Variants in DHX36 observed in about 807,000 individuals in gnomAD.
DHX36 encodes the protein DEAH-box helicase 36.
DHX36 carries 50 observed loss-of-function variants against 139.0 expected under a neutral mutation model. The ratio of observed to expected loss-of-function variants is 0.36; its 90% confidence interval spans 0.29 to 0.46. DHX36 has a LOEUF of 0.46. DHX36 is among the 20% of genes least tolerant of loss of function. The pLI is 1.00. For missense variants in DHX36, 1,024 were observed against 1,211.3 expected (o/e 0.85, Z 2.29); for synonymous variants, 425 against 401.9 (o/e 1.06, Z -0.69).
intron 19 of DHX36, among the ~76,000 whole-genome samples, chr3:154,284,275 A>G (rs773916071): frequency 2.0e-5 from 3 of 150,278 alleles, no homozygotes; most frequent in Non-Finnish European, 4.4e-5. Context: ...CGCGCCCCGG[A>G]GTTCAAGCAA....
At chr3:154,287,575 G>A (rs577344790) in intron 17 of DHX36, among the ~76,000 whole-genome samples, 90 of 152,136 alleles carry the variant, frequency 5.9e-4, no homozygotes, top group African/African-American at 2.2e-3. Flanking sequence ...GCTTGAATCT[G>A]GGAGGTGGAG....
In DHX36 at chr3:154,288,916, G is replaced by A. The variant is rs984168279; in HGVS notation, c.1981C>T (p.Pro661Ser). ...AGTAACACTGCCTCATTTGATGGTG[G>A]GTCCATTAATCTACTCAGAAAATAA... ...IAYFLSRLMD[P>S]PSNEAVLLSI... Residue 661 changes from proline to serine, a missense_variant, in exon 17 of 25, where the codon CCA becomes TCA. Physicochemically the swap from Pro to Ser is moderately conservative, Grantham distance 74 (BLOSUM62 -1). Around this residue, in one of 4 missense-constraint regions of DHX36, gnomAD observed 470 missense variants for 616.2 expected, o/e 0.76. Transcript: ENST00000496811. The A allele has an allele frequency of 6.3e-7, 1 of 1,589,520 alleles. No individual in the cohort carries two copies. Among genetic ancestry groups the A allele is most frequent in the Admixed American group, 1.7e-5 (1 of 58,548 alleles).
intron 2 of DHX36, among the ~76,000 whole-genome samples, chr3:154,315,615 T>C (rs916889264): frequency 1.3e-5 from 2 of 152,138 alleles, no homozygotes; most frequent in African/African-American, 4.8e-5. Flanking sequence ...ACATCTTTTT[T>C]TCTTGCCACC....
chr3:154,279,886 G>A (rs905610318), intron 22 of DHX36: 5 of 152,068 alleles, frequency 3.3e-5, no homozygotes, highest in African/African-American at 1.2e-4. Flanking sequence ...TTTTCCCATG[G>A]CTACTAGAAA....
chr3:154,276,410 A>C (rs1390078666), intron 24 of DHX36, 54 bp from the exon 25 acceptor site: 3 of 1,499,638 alleles, frequency 2.0e-6, no homozygotes, highest in Non-Finnish European at 2.7e-6. Context: ...TTACCAAATA[A>C]CATAATAAAT....
intron 15 of DHX36, among the ~76,000 whole-genome samples, chr3:154,291,458 G>A (rs1364416332): frequency 6.6e-6 from 1 of 152,236 alleles, no homozygotes; most frequent in South Asian, 2.1e-4. Context: ...AGAGGTGATG[G>A]GTCTACATGG....
At chr3:154,292,739 ACACAC>A in intron 14 of DHX36, 45 bp from the exon 15 acceptor site, 1 of 1,583,698 alleles carries the variant, frequency 6.3e-7, no homozygotes, top group Non-Finnish European at 8.6e-7. Context: ...ACACACACAC[ACACAC>A]ACACACACAC....
At position 154,295,942 on chromosome 3, in the gene DHX36, A is replaced by AT. The variant is rs1251823537; in HGVS notation, c.1550-604dup. On this transcript the variant is annotated intron_variant, in intron 12 of 24. Coordinates refer to ENST00000496811, the MANE Select transcript of DHX36 (RefSeq NM_020865.3). The stretch of plus-strand genomic sequence containing the variant: ...ACAACCATGTTTGGCTAATTTTTGT[A>AT]TTTTTTGTAGAGATGGGGATTTGCC... Among the ~76,000 whole-genome samples the AT allele has an allele frequency of 3.3e-5, 5 of 151,684 alleles. No individual in the cohort carries two copies. In the East Asian group the frequency reaches 7.8e-4, roughly 24 times the overall value.
intron 6 of DHX36, chr3:154,305,422 C>A: frequency 3.0e-6 from 1 of 333,128 alleles, no homozygotes; most frequent in Non-Finnish European, 5.5e-6. Flanking sequence ...ATTCAGACAA[C>A]AACTGAATTA....
chr3:154,277,527 A>G (rs1158192771), intron 23 of DHX36, 71 bp downstream of exon 23: 2 of 1,452,670 alleles, frequency 1.4e-6, no homozygotes, highest in Non-Finnish European at 1.8e-6. Context: ...TATAATTGTT[A>G]AAACTACACA....
At chr3:154,300,472 G>A (rs1712223295) in intron 11 of DHX36, 122 bp downstream of exon 11, 4 of 744,296 alleles carry the variant, frequency 5.4e-6, no homozygotes, top group Non-Finnish European at 8.9e-6. Flanking sequence ...ATGATTTCTA[G>A]TATCAAAAGT....
Position 154,280,753 on chromosome 3 carries a change from C to T in DHX36, c.2476+10G>A, listed in dbSNP as rs1409181477. On this transcript the variant is annotated intron_variant, in intron 21 of 24. Transcript: ENST00000496811. ...AAAGATACTTATTTACACTGTGTTT[C>T]CTGCTGTACCTGAATTTATATTAGA... is the stretch of plus-strand genomic sequence containing the variant. The T allele has an allele frequency of 6.2e-7, 1 of 1,611,332 alleles. No homozygotes were observed. The highest frequency in any genetic ancestry group is 8.5e-7 in the Non-Finnish European group (1 of 1,177,982).
At chr3:154,281,235 G>T (rs149044209) in intron 20 of DHX36, among the ~76,000 whole-genome samples, 1 of 152,040 alleles carries the variant, frequency 6.6e-6, no homozygotes, top group East Asian at 1.9e-4. Flanking sequence ...AAGACTAATA[G>T]AATTTTTAAA....
chr3:154,311,546 T>A, intron 4 of DHX36, 90 bp downstream of exon 4: 1 of 1,051,404 alleles, frequency 9.5e-7, no homozygotes, highest in Non-Finnish European at 1.4e-6. Flanking sequence ...GAAAGTTCAT[T>A]AATTTACATT....
chr3:154,276,036 C>A lies in DHX36; in HGVS notation c.*135G>T. 1.6e-6 allele frequency: 1 copy of A among 636,406 alleles called. No homozygotes were observed. The highest frequency in any genetic ancestry group is 2.7e-6 in the Non-Finnish European group (1 of 376,984). 39.4% of individuals were successfully genotyped at this position (636,406 alleles called of 1,614,324 possible). A position where few individuals can be genotyped will look rare whatever the true frequency, so the allele number is the denominator to read the frequency against. Reference sequence around the variant, plus strand: ...TAACATCAAGTCATGCACATTAAGTCTTTACTACCTACTGAAGGCTTCTAC... The same window carrying A: ...TAACATCAAGTCATGCACATTAAGTATTTACTACCTACTGAAGGCTTCTAC... On this transcript the variant is annotated 3_prime_UTR_variant, in exon 25 of 25. Transcript: ENST00000496811.
chr3:154,324,117 G>A (rs1713305570), intron 1 of DHX36, 57 bp downstream of exon 1: 3 of 1,512,844 alleles, frequency 2.0e-6, no homozygotes, highest in Admixed American at 4.0e-5. Flanking sequence ...GGGGGCAGCG[G>A]GAGAGAGAAG....
intron 17 of DHX36, among the ~76,000 whole-genome samples, chr3:154,286,519 T>C (rs1000282571): frequency 6.6e-6 from 1 of 150,884 alleles, no homozygotes; most frequent in Non-Finnish European, 1.5e-5. Context: ...CCTAGAAGAT[T>C]AGTGGTATTT....
rs749716227 is a variant in DHX36, at chr3:154,284,811, T to C, written c.2205+3A>G. ...AACTCGGTTTTATTTCCATTTTTCT[T>C]ACCAGTGGAATGACAAATGGATCTT... On this transcript the variant is annotated splice_donor_region_variant and intron_variant, in intron 18 of 24. Transcript: ENST00000496811. 6.2e-7 allele frequency: 1 copy of C among 1,613,104 alleles called. No individual in the cohort carries two copies. The highest frequency in any genetic ancestry group is 1.7e-5 in the Admixed American group (1 of 59,896).
intron 13 of DHX36, among the ~76,000 whole-genome samples, chr3:154,294,133 A>G (rs781226666): frequency 1.3e-5 from 2 of 152,208 alleles, no homozygotes; most frequent in Non-Finnish European, 2.9e-5. Context: ...AGGGAGGGAT[A>G]TTTCTGTTAG....
Sources: allele counts gnomAD v4.1 joint callset (sites outside exome capture counted in the v4.1 genomes callset), GRCh38; gene constraint gnomAD v4.1.1; regional missense constraint gnomAD v4.1.1; transcripts MANE v1.5; gene names NCBI Gene and HGNC (gene_info 2026-07-23, HGNC 2026-07-21).